SNX29: variants seen among roughly 807,000 people sequenced by gnomAD.
SNX29 encodes the protein sorting nexin-29.
A neutral mutation model predicts 102.1 loss-of-function variants in SNX29; 78 were observed. The observed-to-expected ratio is 0.76, with a 90% CI of 0.64 to 0.92. SNX29 has a LOEUF of 0.92. Ranked by LOEUF, SNX29 falls within the 40% of genes least tolerant of loss-of-function variation. SNX29 has a pLI of 0.00. For synonymous variants in SNX29, 580 were observed against 414.5 expected (o/e 1.40, Z -4.85); for missense variants, 1,280 against 1,061.7 (o/e 1.21, Z -2.86).
chr16:12,550,418 C>A (rs990902873), intron 20 of SNX29, among the ~76,000 whole-genome samples: 1 of 151,930 alleles, frequency 6.6e-6, no homozygotes, highest in African/African-American at 2.4e-5. Context: ...GCCTGTACTC[C>A]CACCTACTTG....
chr16:12,048,268 A>T, intron 6 of SNX29, 104 bp from the exon 7 acceptor site: 8 of 1,536,968 alleles, frequency 5.2e-6, no homozygotes, highest in South Asian at 3.4e-5. Flanking sequence ...TTTAAGATCA[A>T]CGTGCCTCCT....
At chr16:12,325,742 T>C (rs986769929) in intron 15 of SNX29, among the ~76,000 whole-genome samples, 2 of 152,086 alleles carry the variant, frequency 1.3e-5, no homozygotes, top group Non-Finnish European at 2.9e-5. Context: ...AAATATAATT[T>C]TTGGCCAGGC....
At chr16:12,363,005 C>G (rs2082351390) in intron 16 of SNX29, among the ~76,000 whole-genome samples, 1 of 152,142 alleles carries the variant, frequency 6.6e-6, no homozygotes, top group Non-Finnish European at 1.5e-5. Context: ...GCCATGCTCC[C>G]TCTGCCCAAG....
chr16:12,566,783 G>C (rs377112794), intron 20 of SNX29, among the ~76,000 whole-genome samples: 2 of 152,220 alleles, frequency 1.3e-5, no homozygotes, highest in African/African-American at 2.4e-5. Context: ...CACAGCACAC[G>C]CCAGGCTGGT....
At chr16:12,242,050 C>A (rs111407266) in intron 14 of SNX29, among the ~76,000 whole-genome samples, 2,361 of 152,072 alleles carry the variant, frequency 0.016, 31 homozygotes, top group Middle Eastern at 0.034. Flanking sequence ...ACATGCCACT[C>A]CTGAAGCTGG....
At chr16:12,209,875 A>G (rs570728806) in intron 14 of SNX29, among the ~76,000 whole-genome samples, 40 of 152,312 alleles carry the variant, frequency 2.6e-4, no homozygotes, top group African/African-American at 8.2e-4. Flanking sequence ...GACTCGCTTC[A>G]TAAGAGCCTG....
chr16:12,093,914 C>T (rs2082031617), intron 11 of SNX29: 1 of 152,170 alleles, frequency 6.6e-6, no homozygotes, highest in African/African-American at 2.4e-5. Context: ...GTAAGAAACA[C>T]GAAACACTTC....
rs1206402874 is a variant in SNX29, at chr16:12,129,506, T to C, written c.1467-124T>C. On this transcript the variant is annotated intron_variant, in intron 12 of 20. Transcript: ENST00000566228. ...GTTCACATGAGATAGACTTGAATTATGGTTTATGCAGAGCCTTGTGGAAAA... is the reference window on the plus strand; with the variant it reads ...GTTCACATGAGATAGACTTGAATTACGGTTTATGCAGAGCCTTGTGGAAAA... 4 of 1,248,786 alleles carry C rather than the reference T, an allele frequency of 3.2e-6. No homozygotes were observed. In the African/African-American group the frequency reaches 6.2e-5, roughly 19 times the overall value. 77.4% of individuals were successfully genotyped at this position (1,248,786 alleles called of 1,614,324 possible). A position where few individuals can be genotyped will look rare whatever the true frequency, so the allele number is the denominator to read the frequency against.
intron 3 of SNX29, among the ~76,000 whole-genome samples, chr16:12,017,928 A>G (rs1041609964): frequency 2.9e-4 from 44 of 151,558 alleles, no homozygotes; most frequent in African/African-American, 1.0e-3. Context: ...TTTTTTTGAG[A>G]CGAAGTCTCT....
At chr16:12,169,592 GC>G (rs1402680814) in intron 13 of SNX29, among the ~76,000 whole-genome samples, 2 of 152,204 alleles carry the variant, frequency 1.3e-5, no homozygotes, top group Non-Finnish European at 2.9e-5. Flanking sequence ...AGGCGTTGTG[GC>G]TCACGCCTGT....
chr16:12,106,485 T>A (rs2053248345), intron 11 of SNX29, among the ~76,000 whole-genome samples: 1 of 151,992 alleles, frequency 6.6e-6, no homozygotes, highest in Non-Finnish European at 1.5e-5. Context: ...GCTGCTTGTT[T>A]TTCTTTTTCA....
chr16:12,563,813 CTTT>C (rs779017953), intron 20 of SNX29, among the ~76,000 whole-genome samples: 2 of 152,170 alleles, frequency 1.3e-5, no homozygotes, highest in African/African-American at 4.8e-5. Context: ...CCATTTGCTG[CTTT>C]TTATTTATTC....
chr16:12,483,550 C>A (rs1012967026), intron 19 of SNX29, among the ~76,000 whole-genome samples: 1 of 151,586 alleles, frequency 6.6e-6, no homozygotes, highest in Non-Finnish European at 1.5e-5. Context: ...CTCCTGAGCT[C>A]GTGATCCACC....
chr16:12,140,466 G>T (rs949931498), intron 13 of SNX29, among the ~76,000 whole-genome samples: 1 of 152,222 alleles, frequency 6.6e-6, no homozygotes, highest in African/African-American at 2.4e-5. Flanking sequence ...CCGTGGAGCA[G>T]GAACAAGGAT....
intron 3 of SNX29, among the ~76,000 whole-genome samples, chr16:12,025,776 G>A (rs1040100762): frequency 8.5e-5 from 13 of 152,168 alleles, no homozygotes; most frequent in African/African-American, 3.1e-4. Flanking sequence ...TAAAGATTGA[G>A]TAAGGTAGCC....
intron 20 of SNX29, among the ~76,000 whole-genome samples, chr16:12,533,773 G>A (rs977248144): frequency 6.6e-6 from 1 of 152,158 alleles, no homozygotes; most frequent in African/African-American, 2.4e-5. Context: ...TGTCAGCAGG[G>A]AGTGGTGTGG....
intron 1 of SNX29, among the ~76,000 whole-genome samples, chr16:11,990,113 A>G (rs2055791323): frequency 6.6e-6 from 1 of 152,180 alleles, no homozygotes; most frequent in African/African-American, 2.4e-5. Flanking sequence ...CCCACCTTCC[A>G]GGTAGATGTG....
chr16:12,389,456 A>G (rs1239485197), intron 16 of SNX29, among the ~76,000 whole-genome samples: 2 of 151,906 alleles, frequency 1.3e-5, no homozygotes, highest in African/African-American at 4.8e-5. Context: ...CTTGGCTCTC[A>G]TTCTCCTGCC....
intron 19 of SNX29, among the ~76,000 whole-genome samples, chr16:12,518,489 G>A (rs1439516493): frequency 2.0e-5 from 3 of 152,054 alleles, no homozygotes; most frequent in Admixed American, 6.6e-5. Flanking sequence ...ATGGCCACAC[G>A]CCTTTCCTCC....
Sources: allele counts gnomAD v4.1 joint callset (sites outside exome capture counted in the v4.1 genomes callset), GRCh38; gene constraint gnomAD v4.1.1; transcripts MANE v1.5; gene names NCBI Gene and HGNC (gene_info 2026-07-23, HGNC 2026-07-21).